SPMIP2: variants seen among roughly 807,000 people sequenced by gnomAD.
The protein encoded by SPMIP2 is sperm microtubule inner protein 2, also known as protein SPMIP2.
chr4:158,950,816 C>T, the SPMIP2 span, among the ~76,000 whole-genome samples: 1 of 152,130 alleles, frequency 6.6e-6, no homozygotes, highest in Admixed American at 6.5e-5. Context: ...TTGCTTGAAC[C>T]TTGGAGGCAG....
chr4:158,934,757 A>C, the SPMIP2 span, among the ~76,000 whole-genome samples: 6 of 151,970 alleles, frequency 3.9e-5, no homozygotes, highest in African/African-American at 1.2e-4. Flanking sequence ...ATTAGCTTTC[A>C]TTTTTACTTC....
the SPMIP2 span, among the ~76,000 whole-genome samples, chr4:159,055,461 G>A: frequency 6.6e-6 from 1 of 152,148 alleles, no homozygotes; most frequent in East Asian, 1.9e-4. Context: ...CCAGCACTTT[G>A]GGAGGCCAAG....
At chr4:158,975,791 G>A in the SPMIP2 span, among the ~76,000 whole-genome samples, 9 of 152,036 alleles carry the variant, frequency 5.9e-5, no homozygotes, top group South Asian at 1.4e-3. Flanking sequence ...GCTCTGTTTT[G>A]GTTCCAAATG....
chr4:158,908,063 G>T, the SPMIP2 span: 1 of 152,202 alleles, frequency 6.6e-6, no homozygotes, highest in East Asian at 1.9e-4. Flanking sequence ...TTTTCCTGGT[G>T]CTGCATGCGA....
the SPMIP2 span, among the ~76,000 whole-genome samples, chr4:159,079,134 A>G: frequency 6.6e-6 from 1 of 151,888 alleles, no homozygotes; most frequent in Non-Finnish European, 1.5e-5. Flanking sequence ...AAATAAATAA[A>G]TAATAATAAT....
chr4:158,896,170 T>A, the SPMIP2 span, among the ~76,000 whole-genome samples: 4 of 152,200 alleles, frequency 2.6e-5, no homozygotes, highest in African/African-American at 4.8e-5. Flanking sequence ...TTCTAGTAAC[T>A]GAATAAGATG....
chr4:158,914,569 C>T, the SPMIP2 span, among the ~76,000 whole-genome samples: 2 of 152,168 alleles, frequency 1.3e-5, no homozygotes, highest in East Asian at 3.8e-4. Flanking sequence ...GTTCATTGTG[C>T]TGTGGGATTA....
At chr4:158,915,307 A>G in the SPMIP2 span, 1 of 1,613,546 alleles carries the variant, frequency 6.2e-7, no homozygotes, top group Middle Eastern at 1.6e-4. Flanking sequence ...TGCCAGGCAA[A>G]AGAAGCGCGA....
At chr4:158,980,222 A>T in the SPMIP2 span, among the ~76,000 whole-genome samples, 8 of 152,086 alleles carry the variant, frequency 5.3e-5, no homozygotes, top group African/African-American at 1.9e-4. Context: ...GTTATAGATA[A>T]ATTCTCCTCT....
the SPMIP2 span, among the ~76,000 whole-genome samples, chr4:158,929,371 T>C: frequency 2.6e-5 from 4 of 152,254 alleles, no homozygotes; most frequent in South Asian, 6.2e-4. Context: ...AATGTGGTCA[T>C]AGTCATTGAT....
chr4:159,028,077 T>A, the SPMIP2 span, among the ~76,000 whole-genome samples: 1 of 152,106 alleles, frequency 6.6e-6, no homozygotes, highest in Non-Finnish European at 1.5e-5. Flanking sequence ...AAATACCCCA[T>A]ATAAACAGGG....
At chr4:159,075,645 A>G in the SPMIP2 span, among the ~76,000 whole-genome samples, 1 of 152,170 alleles carries the variant, frequency 6.6e-6, no homozygotes, top group South Asian at 2.1e-4. Context: ...GGACAAAGCA[A>G]TCATATCTGG....
At chr4:158,950,293 C>A in the SPMIP2 span, among the ~76,000 whole-genome samples, 3 of 152,190 alleles carry the variant, frequency 2.0e-5, no homozygotes, top group Non-Finnish European at 2.9e-5. Flanking sequence ...GAAAAATTCA[C>A]CCATGGAGGC....
chr4:159,054,756 G>A, the SPMIP2 span, among the ~76,000 whole-genome samples: 1 of 152,088 alleles, frequency 6.6e-6, no homozygotes, highest in Non-Finnish European at 1.5e-5. Flanking sequence ...GCTTGCCTCT[G>A]TCCTCCACCA....
the SPMIP2 span, among the ~76,000 whole-genome samples, chr4:158,964,900 C>T: frequency 2.0e-5 from 3 of 152,188 alleles, no homozygotes; most frequent in East Asian, 5.8e-4. Flanking sequence ...AACAGGAGAA[C>T]ATCACAGGAG....
chr4:158,982,398 C>T, the SPMIP2 span, among the ~76,000 whole-genome samples: 2 of 152,198 alleles, frequency 1.3e-5, no homozygotes, highest in East Asian at 1.9e-4. Flanking sequence ...CAGAACTCTC[C>T]ACCCCAAATC....
chr4:159,082,127 G>A, the SPMIP2 span, among the ~76,000 whole-genome samples: 3 of 149,398 alleles, frequency 2.0e-5, no homozygotes, highest in East Asian at 3.9e-4. Flanking sequence ...AGACCAGCCC[G>A]GCCAATATGG....
the SPMIP2 span, among the ~76,000 whole-genome samples, chr4:158,898,919 C>G: frequency 6.6e-6 from 1 of 152,156 alleles, no homozygotes; most frequent in African/African-American, 2.4e-5. Flanking sequence ...TTGTCTTGTG[C>G]TGGTTTCCAA....
chr4:159,028,816 G>A, the SPMIP2 span, among the ~76,000 whole-genome samples: 1 of 151,966 alleles, frequency 6.6e-6, no homozygotes, highest in African/African-American at 2.4e-5. Context: ...CATTTTCTAG[G>A]CAGGTGCGGT....
Sources: gnomAD v4.1 joint callset for allele counts (sites outside exome capture counted in the v4.1 genomes callset) on GRCh38, gnomAD v4.1.1 for gene constraint, MANE v1.5 for transcripts, NCBI Gene and HGNC (gene_info 2026-07-23, HGNC 2026-07-21) for gene names.